MTBP: variants seen among roughly 807,000 people sequenced by gnomAD.
The protein encoded by MTBP is MDM2 binding protein.
In MTBP, 101 loss-of-function variants were observed where a neutral mutation model predicts 117.0. The observed-to-expected ratio is 0.86, with a 90% CI of 0.73 to 1.02. The LOEUF is 1.02. MTBP is among the 50% of genes least tolerant of loss of function. MTBP has a pLI of 0.00. For synonymous variants in MTBP, 350 were observed against 351.5 expected, an observed-to-expected ratio of 1.00 and a Z score of 0.05; for missense variants, 970 against 1,030.9, an observed-to-expected ratio of 0.94 and a Z score of 0.81.
Position 120,451,157 on chromosome 8 carries a change from T to G in MTBP, c.274-14T>G, listed in dbSNP as rs1288510483. ...TCATGATCCATTATTTAATACAATC[T>G]TTTGATTTGTTAGTTTTGTAGTTCT... On this transcript the variant is annotated splice_polypyrimidine_tract_variant and intron_variant, in intron 3 of 21. Transcript: ENST00000305949. 1 of 1,592,882 alleles carries G rather than the reference T, an allele frequency of 6.3e-7. No individual in the cohort carries two copies. Among genetic ancestry groups the G allele is most frequent in the Admixed American group, 1.7e-5 (1 of 57,452 alleles).
chr8:120,510,537 A>G (rs890407364), intron 17 of MTBP, among the ~76,000 whole-genome samples: 1 of 152,204 alleles, frequency 6.6e-6, no homozygotes, highest in Non-Finnish European at 1.5e-5. Flanking sequence ...ATACTATTCA[A>G]CTATAACAAG....
chr8:120,450,106 G>C (rs943705628), intron 2 of MTBP, among the ~76,000 whole-genome samples: 8 of 152,134 alleles, frequency 5.3e-5, no homozygotes, highest in Non-Finnish European at 1.2e-4. Context: ...AGACAGAAGG[G>C]AGCAGACTGA....
chr8:120,475,971 T>C (rs1031027487), intron 11 of MTBP, among the ~76,000 whole-genome samples: 7 of 152,008 alleles, frequency 4.6e-5, no homozygotes, highest in African/African-American at 1.4e-4. Context: ...TCTTTAATTC[T>C]CGAAACAATA....
At chr8:120,482,521 A>G (rs1814107499) in intron 11 of MTBP, among the ~76,000 whole-genome samples, 1 of 152,160 alleles carries the variant, frequency 6.6e-6, no homozygotes, top group Non-Finnish European at 1.5e-5. Context: ...TATTCATTGT[A>G]GCTTTCAAAT....
At chr8:120,452,845 A>G (rs892280458) in intron 4 of MTBP, 2 of 150,862 alleles carry the variant, frequency 1.3e-5, no homozygotes, top group Non-Finnish European at 2.9e-5. Context: ...AAAAAAAAAA[A>G]AAAGAAAAGG....
chr8:120,517,906 A>C lies in MTBP; in HGVS notation c.2302A>C (p.Asn768His), dbSNP rs2130622076. The change falls in exon 19 of 22, where the codon AAT becomes CAT. Residue 768 changes from asparagine to histidine, a missense_variant. Asn to His is a moderately conservative substitution (Grantham distance 68, BLOSUM62 1). Transcript: ENST00000305949. ...SLLSQTTGNS[N>H]HYHHHVTSRK... ...TCTTTCTCAGACAACTGGTAATAGT[A>C]ATCACTATCATCATCATGTGACATC... The C allele has an allele frequency of 1.2e-6, 2 of 1,610,984 alleles. No homozygotes were observed. Among genetic ancestry groups the C allele is most frequent in the Non-Finnish European group, 1.7e-6 (2 of 1,177,486 alleles).
rs111730387 is a variant in MTBP, at chr8:120,470,828, T to A, written c.1056T>A (p.Ala352=). Residue 352 remains alanine (A), a synonymous_variant, in exon 11 of 22, where the codon GCT becomes GCA. Transcript: ENST00000305949. ...QISSLCSKVG[A]LFVLPCTISN... ...TGGTCTGTTTTATTCAGGTTGGTGC[T>A]CTTTTTGTATTGCCATGTACCATTA... 1 of 1,603,510 alleles carries A rather than the reference T, an allele frequency of 6.2e-7. No homozygotes were observed. Among genetic ancestry groups the A allele is most frequent in the East Asian group, 2.2e-5 (1 of 44,716 alleles).
chr8:120,493,381 T>G (rs1420708564), intron 13 of MTBP, among the ~76,000 whole-genome samples: 1 of 152,200 alleles, frequency 6.6e-6, no homozygotes, highest in African/African-American at 2.4e-5. Context: ...CAATATGGAT[T>G]CTTACTCTCT....
At chr8:120,497,296 T>A in intron 13 of MTBP, 97 bp from the exon 14 acceptor site, 1 of 1,092,194 alleles carries the variant, frequency 9.2e-7, no homozygotes, top group Non-Finnish European at 1.3e-6. Context: ...ACTAGAGAAA[T>A]TCACTTGTTT....
At chr8:120,519,299 C>T (rs574992608) in intron 20 of MTBP, among the ~76,000 whole-genome samples, 15 of 151,840 alleles carry the variant, frequency 9.9e-5, no homozygotes, top group Admixed American at 5.3e-4. Context: ...ATAAGGGACT[C>T]GACTGTCAGT....
At chr8:120,457,919 C>T (rs1813504491) in intron 7 of MTBP, among the ~76,000 whole-genome samples, 1 of 147,746 alleles carries the variant, frequency 6.8e-6, no homozygotes, top group African/African-American at 2.5e-5. Context: ...GCACTCCAGC[C>T]TGCGTGACAG....
rs1303349578 is a variant in MTBP at position 120,523,622 on chromosome 8, A to T, written c.*286A>T. On this transcript the variant is annotated 3_prime_UTR_variant, in exon 22 of 22. Transcript: ENST00000305949. ...CTTATTTAATTATTACAATAAACAGAATTTTTTTTTTTTACTTTTTGGATT... is the reference window on the plus strand; with the variant it reads ...CTTATTTAATTATTACAATAAACAGTATTTTTTTTTTTTACTTTTTGGATT... The T allele has an allele frequency of 5.7e-6, 1 of 176,502 alleles. No individual in the cohort carries two copies. Among genetic ancestry groups the T allele is most frequent in the African/African-American group, 2.4e-5 (1 of 42,392 alleles). 10.9% of individuals were successfully genotyped at this position (176,502 alleles called of 1,614,324 possible).
chr8:120,498,714 C>T (rs1414992444), intron 14 of MTBP, among the ~76,000 whole-genome samples: 1 of 151,962 alleles, frequency 6.6e-6, no homozygotes, highest in Non-Finnish European at 1.5e-5. Context: ...TGATTAGGAG[C>T]CAAGGAAGTT....
rs747605278 is a variant in MTBP at position 120,455,555 on chromosome 8, C to G, written c.605C>G (p.Thr202Ser). ...HLREWYSAKITIAGNHCEINC... is the reference protein window; with the variant it reads ...HLREWYSAKISIAGNHCEINC... ...AGAGAATGGTATTCAGCAAAGATCA[C>G]TATAGCAGGAAATCATTGTGAAATG... is the stretch of plus-strand genomic sequence containing the variant. Residue 202 changes from threonine to serine, a missense_variant, in exon 6 of 22, where the codon ACT (threonine) becomes AGT (serine). By Grantham distance (58) the Thr-to-Ser change is moderately conservative. Coordinates refer to ENST00000305949, the MANE Select transcript of MTBP (RefSeq NM_022045.5). 29 of 1,609,238 alleles carry G rather than the reference C, an allele frequency of 1.8e-5. No individual in the cohort carries two copies. The highest frequency in any genetic ancestry group is 2.5e-5 in the Non-Finnish European group (29 of 1,178,568).
chr8:120,467,598 T>A (rs1813725713), intron 10 of MTBP, among the ~76,000 whole-genome samples: 1 of 152,144 alleles, frequency 6.6e-6, no homozygotes, highest in Non-Finnish European at 1.5e-5. Flanking sequence ...AGGGTGAGAT[T>A]GTCTCAAAAA....
chr8:120,467,296 A>C (rs1373507723), intron 10 of MTBP, among the ~76,000 whole-genome samples: 1 of 152,142 alleles, frequency 6.6e-6, no homozygotes, highest in African/African-American at 2.4e-5. Flanking sequence ...GTTGGAGAGG[A>C]CCTACTGAAA....
intron 2 of MTBP, 130 bp downstream of exon 2, chr8:120,446,643 A>C: frequency 1.7e-6 from 1 of 584,474 alleles, no homozygotes; most frequent in East Asian, 2.6e-5. Flanking sequence ...TACAGAGATA[A>C]CTAAGGGAGT....
At chr8:120,498,213 T>G (rs547676213) in intron 14 of MTBP, among the ~76,000 whole-genome samples, 1 of 152,320 alleles carries the variant, frequency 6.6e-6, no homozygotes, top group South Asian at 2.1e-4. Flanking sequence ...GGAATAATAA[T>G]ATAACCCACT....
intron 20 of MTBP, among the ~76,000 whole-genome samples, chr8:120,519,547 T>C (rs376749383): frequency 1.3e-5 from 2 of 152,142 alleles, no homozygotes; most frequent in African/African-American, 4.8e-5. Context: ...ATCACAGTTA[T>C]CTGTGGGTTT....
Sources: allele counts gnomAD v4.1 joint callset (sites outside exome capture counted in the v4.1 genomes callset), GRCh38; gene constraint gnomAD v4.1.1; transcripts MANE v1.5; gene names NCBI Gene and HGNC (gene_info 2026-07-23, HGNC 2026-07-21).